Variants in TTC34 observed in about 807,000 individuals in gnomAD.
TTC34 encodes tetratricopeptide repeat domain 34, also known as tetratricopeptide repeat protein 34.
Under a neutral mutation model 40.7 loss-of-function variants are expected in TTC34, and 44 were observed. That is an observed-to-expected ratio of 1.08 (90% CI 0.85 to 1.39). The LOEUF is 1.39. TTC34 is among the 40% of genes most tolerant of loss of function. The pLI is 0.00. For synonymous variants in TTC34, 422 were observed against 398.6 expected (o/e 1.06, Z -0.70); for missense variants, 884 against 838.0 (o/e 1.05, Z -0.68).
At chr1:2,757,603 A>G in intron 6 of TTC34, among the ~76,000 whole-genome samples, 2 of 144,980 alleles carry the variant, frequency 1.4e-5, no homozygotes, top group Admixed American at 6.8e-5. Context: ...CCAGGCGAGC[A>G]TCCGCCAGCC....
intron 6 of TTC34, among the ~76,000 whole-genome samples, chr1:2,657,369 C>T (rs1486223387): frequency 1.0e-5 from 1 of 95,648 alleles, no homozygotes; most frequent in African/African-American, 3.1e-5. Context: ...CAACTTGGAG[C>T]AGCACCCACA....
chr1:2,684,953 C>G lies in TTC34; in HGVS notation c.2227-39390G>C, dbSNP rs1231825182. ...GCATCCGACAGCCTGGAGCACCACC[C>G]ACACCCCCAGACGAGCATCTGACAG... On this transcript the variant is annotated intron_variant, in intron 6 of 8. Coordinates refer to ENST00000401095, the Ensembl canonical transcript of TTC34. 1.4e-5 allele frequency among the ~76,000 whole-genome samples: 2 copies of G among 141,222 alleles called. 1 individual carries two copies. Among genetic ancestry groups the G allele is most frequent in the African/African-American group, 5.8e-5 (2 of 34,764 alleles). The allele number at this position is 141,222 out of a possible 152,430, so 92.6% of individuals were successfully genotyped here.
intron 6 of TTC34, among the ~76,000 whole-genome samples, chr1:2,688,327 C>T (rs1039038440): frequency 7.3e-6 from 1 of 137,528 alleles, no homozygotes; most frequent in African/African-American, 3.0e-5. Flanking sequence ...CAGAACCCCA[C>T]ACCCCCAGGT....
chr1:2,783,372 C>T (rs573813926), intron 6 of TTC34, among the ~76,000 whole-genome samples: 10 of 152,332 alleles, frequency 6.6e-5, no homozygotes, highest in African/African-American at 2.4e-4. Flanking sequence ...GCTCGCACAT[C>T]TATCCACACA....
intron 6 of TTC34, among the ~76,000 whole-genome samples, chr1:2,647,093 T>G (rs1639032822): frequency 6.6e-6 from 1 of 152,200 alleles, no homozygotes; most frequent in African/African-American, 2.4e-5. Flanking sequence ...CTTTATCTTT[T>G]TTTTTCAGGA....
intron 6 of TTC34, among the ~76,000 whole-genome samples, chr1:2,688,685 C>A (rs61765692): frequency 1.5e-5 from 2 of 132,922 alleles, no homozygotes; most frequent in Admixed American, 7.3e-5. Flanking sequence ...GGAACAGCAC[C>A]CTGCACCCCC....
chr1:2,683,713 C>T (rs1388447687), intron 6 of TTC34, among the ~76,000 whole-genome samples: 4 of 129,796 alleles, frequency 3.1e-5, no homozygotes, highest in East Asian at 2.1e-4. Flanking sequence ...AGCACCCACA[C>T]CCCCAGGTGA....
At chr1:2,692,249 G>A (rs1199345896) in intron 6 of TTC34, among the ~76,000 whole-genome samples, 3 of 77,026 alleles carry the variant, frequency 3.9e-5, no homozygotes, top group African/African-American at 1.3e-4. Flanking sequence ...CCGACAGCCT[G>A]GAGCAGCACC....
Position 2,683,410 on chromosome 1 carries a change from T to G in TTC34, c.2227-37847A>C, listed in dbSNP as rs6604993. On this transcript the variant is annotated intron_variant, in intron 6 of 8. Coordinates refer to ENST00000401095, the Ensembl canonical transcript of TTC34. The stretch of plus-strand genomic sequence containing the variant: ...CCCACACGCCCAGGTGAGCATCCGA[T>G]AGCCTGGAACACCACCCTTCACCCC... Among the ~76,000 whole-genome samples the G allele has an allele frequency of 5.5e-3, 82 of 14,928 alleles. 6 individuals carry two copies. The highest frequency in any genetic ancestry group is 0.016 in the African/African-American group (58 of 3,636). 9.8% of individuals were successfully genotyped at this position (14,928 alleles called of 152,430 possible).
intron 6 of TTC34, among the ~76,000 whole-genome samples, chr1:2,751,398 C>A (rs1641314357): frequency 6.7e-6 from 1 of 148,340 alleles, no homozygotes; most frequent in Non-Finnish European, 1.5e-5. Context: ...TCTGGAGCAG[C>A]ACCCACACAC....
At chr1:2,658,483 AGCCTG>A in intron 6 of TTC34, among the ~76,000 whole-genome samples, 1 of 58,956 alleles carries the variant, frequency 1.7e-5, no homozygotes, top group Admixed American at 1.6e-4. Context: ...AGCAACTGAC[AGCCTG>A]GAGCAGCACC....
chr1:2,767,774 T>A lies in TTC34; in HGVS notation c.2226+15835A>T, dbSNP rs180746273. Among the ~76,000 whole-genome samples, 678 of 141,582 alleles carry A rather than the reference T, an allele frequency of 4.8e-3. 21 individuals are homozygous for A. Among genetic ancestry groups the A allele is most frequent in the Non-Finnish European group, 7.7e-3 (497 of 64,170 alleles). 92.9% of individuals were successfully genotyped at this position (141,582 alleles called of 152,430 possible). A position where few individuals can be genotyped will look rare whatever the true frequency, so the allele number is the denominator to read the frequency against. ...TAAAGCAGCACCCTGCACCCCCAGT[T>A]GAGCATCTGACAGCCTGGGGCAGCA... On this transcript the variant is annotated intron_variant, in intron 6 of 8. Coordinates refer to ENST00000401095, the Ensembl canonical transcript of TTC34.
At chr1:2,686,262 C>G (rs557714920) in intron 6 of TTC34, among the ~76,000 whole-genome samples, 1 of 148,476 alleles carries the variant, frequency 6.7e-6, no homozygotes, top group South Asian at 2.1e-4. Context: ...CATCTGACAG[C>G]GTGGAGGAGC....
At chr1:2,643,048 G>T (rs1463190750) in intron 8 of TTC34, among the ~76,000 whole-genome samples, 1 of 152,150 alleles carries the variant, frequency 6.6e-6, no homozygotes, top group Non-Finnish European at 1.5e-5. Context: ...CTCGGCCCGC[G>T]CAGGACCCGC....
At chr1:2,757,766 C>A (rs1641554927) in intron 6 of TTC34, among the ~76,000 whole-genome samples, 1 of 146,784 alleles carries the variant, frequency 6.8e-6, no homozygotes. Context: ...AGGCGAGCAT[C>A]TGAACCCACG....
chr1:2,674,888 C>T (rs1453698880), intron 6 of TTC34, among the ~76,000 whole-genome samples: 4 of 111,634 alleles, frequency 3.6e-5, no homozygotes, highest in African/African-American at 1.2e-4. Context: ...CAGCCACAGG[C>T]GAGCATCTGA....
At chr1:2,675,360 A>G (rs1467958204) in intron 6 of TTC34, among the ~76,000 whole-genome samples, 1 of 126,506 alleles carries the variant, frequency 7.9e-6, no homozygotes, top group African/African-American at 2.9e-5. Flanking sequence ...CAGCACCCAC[A>G]CGCCCAGGTG....
chr1:2,750,566 C>A (rs1197227843), intron 6 of TTC34, among the ~76,000 whole-genome samples: 3 of 149,378 alleles, frequency 2.0e-5, no homozygotes, highest in Admixed American at 6.7e-5. Flanking sequence ...CACCCACACC[C>A]CCAGGTGAGC....
At chr1:2,782,237 G>C (rs1643494921) in intron 6 of TTC34, among the ~76,000 whole-genome samples, 1 of 152,072 alleles carries the variant, frequency 6.6e-6, no homozygotes, top group Admixed American at 6.5e-5. Flanking sequence ...GGTAGGTTTT[G>C]TGTTTCTAGG....
Sources: gnomAD v4.1 joint callset for allele counts (sites outside exome capture counted in the v4.1 genomes callset) on GRCh38, gnomAD v4.1.1 for gene constraint, MANE v1.5 for transcripts, NCBI Gene and HGNC (gene_info 2026-07-23, HGNC 2026-07-21) for gene names.